The following ZNF674 variants were observed in gnomAD, a reference collection of about 807,000 sequenced individuals.
ZNF674 encodes zinc finger family member 674.
ZNF674 carries 2 observed loss-of-function variants against 7.0 expected under a neutral mutation model. The ratio of observed to expected loss-of-function variants is 0.29; its 90% confidence interval spans 0.12 to 0.90. The LOEUF is 0.90. Ranked by LOEUF, ZNF674 falls within the 40% of genes least tolerant of loss-of-function variation. The pLI is 0.57. For missense variants in ZNF674, 297 were observed against 415.5 expected, an observed-to-expected ratio of 0.71 and a Z score of 2.48; for synonymous variants, 103 against 145.2, an observed-to-expected ratio of 0.71 and a Z score of 2.09.
rs978872312 is a variant in ZNF674 at position 46,498,437 on chromosome X, C to T, written c.*1406G>A. On this transcript the variant is annotated 3_prime_UTR_variant, in exon 6 of 6. Coordinates refer to ENST00000683375, the MANE Select transcript of ZNF674 (RefSeq NM_001190417.2). ...ACTGAAGATATTGATGAATAATATACGTAAGGTCTCCTGTTTGAGATCTTT... is the reference window on the plus strand; with the variant it reads ...ACTGAAGATATTGATGAATAATATATGTAAGGTCTCCTGTTTGAGATCTTT... 9.0e-6 allele frequency: 1 copy of T among 111,130 alleles called. No homozygotes were observed. Among genetic ancestry groups the T allele is most frequent in the African/African-American group, 3.3e-5 (1 of 30,599 alleles). The allele number at this position is 111,130 out of a possible 1,213,427, so 9.2% of individuals were successfully genotyped here.
At chrX:46,523,862 G>A (rs999147486) in intron 5 of ZNF674, among the ~76,000 whole-genome samples, 3 of 110,673 alleles carry the variant, frequency 2.7e-5, no homozygotes, top group African/African-American at 9.8e-5. Flanking sequence ...GGCCAACATG[G>A]TGAAACCCTG....
chrX:46,510,478 C>A (rs905873263), intron 5 of ZNF674, among the ~76,000 whole-genome samples: 1 of 111,436 alleles, frequency 9.0e-6, no homozygotes, highest in African/African-American at 3.3e-5. Context: ...ATACAACACT[C>A]ATTAGTGATT....
Position 46,498,752 on chromosome X carries a change from C to T in ZNF674, c.*1091G>A, listed in dbSNP as rs759408276. 2 of 106,532 alleles carry T rather than the reference C, an allele frequency of 1.9e-5. No individual in the cohort carries two copies. The highest frequency in any genetic ancestry group is 1.0e-4 in the Admixed American group (1 of 9,820). The allele number at this position is 106,532 out of a possible 1,213,427, so 8.8% of individuals were successfully genotyped here. ...AAAAAAAAAAAAAAAAAGAATTAGC[C>T]GGGTGTGGTGGTGGGTGCCTGTAAT... On this transcript the variant is annotated 3_prime_UTR_variant, in exon 6 of 6. Coordinates refer to ENST00000683375, the MANE Select transcript of ZNF674 (RefSeq NM_001190417.2).
At chrX:46,509,790 T>C (rs1941615240) in intron 5 of ZNF674, among the ~76,000 whole-genome samples, 1 of 102,222 alleles carries the variant, frequency 9.8e-6, no homozygotes, top group Non-Finnish European at 2.0e-5. Flanking sequence ...CATTACTGGG[T>C]ATATACCCAA....
intron 5 of ZNF674, among the ~76,000 whole-genome samples, chrX:46,502,767 C>T (rs1479251149): frequency 2.7e-5 from 3 of 112,145 alleles, no homozygotes; most frequent in Non-Finnish European, 5.6e-5. Context: ...GTATTCATGA[C>T]AGGCAGACAG....
chrX:46,524,816 T>C (rs1367205192), intron 5 of ZNF674, among the ~76,000 whole-genome samples: 1 of 110,280 alleles, frequency 9.1e-6, no homozygotes, highest in Non-Finnish European at 1.9e-5. Context: ...TCAAGACCAG[T>C]CTGGGCAACA....
Position 46,499,763 on chromosome X carries a change from G to T in ZNF674, c.*80C>A. ...GGACATTTATAAGATTACTCGCCAT[G>T]ATTATTTGACAAATAATGAGACTAG... On this transcript the variant is annotated 3_prime_UTR_variant, in exon 6 of 6. Transcript: ENST00000683375. 1.3e-6 allele frequency: 1 copy of T among 753,822 alleles called. No homozygotes were observed. The highest frequency in any genetic ancestry group is 1.8e-6 in the Non-Finnish European group (1 of 549,372). The allele number at this position is 753,822 out of a possible 1,213,427, so 62.1% of individuals were successfully genotyped here.
intron 3 of ZNF674, among the ~76,000 whole-genome samples, chrX:46,540,199 T>G (rs1378979160): frequency 9.1e-6 from 1 of 109,572 alleles, no homozygotes; most frequent in African/African-American, 3.3e-5. Context: ...AGCCGAGATT[T>G]TGCCACTGCA....
At chrX:46,529,003 T>C in intron 3 of ZNF674, 94 bp from the exon 4 acceptor site, 4 of 1,196,241 alleles carry the variant, frequency 3.3e-6, no homozygotes, top group Non-Finnish European at 4.5e-6. Flanking sequence ...TCTGTGCCCT[T>C]TGAGGTCCTT....
intron 3 of ZNF674, 132 bp from the exon 4 acceptor site, chrX:46,529,041 C>T (rs1942061154): frequency 1.9e-5 from 21 of 1,107,042 alleles, no homozygotes; most frequent in Non-Finnish European, 2.5e-5. Context: ...TCAGTCTTCG[C>T]CGCCACCCTA....
At chrX:46,537,610 A>AT (rs1942223216) in intron 3 of ZNF674, among the ~76,000 whole-genome samples, 1 of 111,378 alleles carries the variant, frequency 9.0e-6, no homozygotes, top group Non-Finnish European at 1.9e-5. Context: ...TTTCTACCAC[A>AT]TTTTTTTGTT....
intron 5 of ZNF674, among the ~76,000 whole-genome samples, chrX:46,508,037 C>G (rs1303434883): frequency 2.0e-5 from 2 of 99,250 alleles, no homozygotes; most frequent in East Asian, 6.1e-4. Flanking sequence ...CAGGCATGAC[C>G]TACGTTAATA....
intron 5 of ZNF674, among the ~76,000 whole-genome samples, chrX:46,507,445 G>A (rs1052129819): frequency 8.0e-5 from 9 of 111,887 alleles, no homozygotes; most frequent in African/African-American, 2.9e-4. Flanking sequence ...GCTGTGTATA[G>A]TATTTATATA....
chrX:46,541,361 CAAAAAA>C (rs34440167), intron 3 of ZNF674, among the ~76,000 whole-genome samples: 1 of 54,698 alleles, frequency 1.8e-5, no homozygotes, highest in African/African-American at 7.1e-5. Context: ...AACTCCGTCA[CAAAAAA>C]AAAAAAAAAA....
intron 2 of ZNF674, among the ~76,000 whole-genome samples, chrX:46,544,014 A>C (rs1388327004): frequency 1.0e-3 from 115 of 113,013 alleles, no homozygotes; most frequent in Middle Eastern, 4.6e-3. Context: ...TGGCAAGAGA[A>C]GGAAGCATGG....
chrX:46,500,763 C>T lies in ZNF674; in HGVS notation c.811G>A (p.Gly271Arg). The T allele has an allele frequency of 8.3e-7, 1 of 1,201,061 alleles. No homozygotes were observed. Among genetic ancestry groups the T allele is most frequent in the Non-Finnish European group, 1.1e-6 (1 of 889,529 alleles). ...TCACTGCATTCATAGGGCTTCTCCC[C>T]TGTGTGAGTTCTCTGGTGTGCTATG... The part of the protein sequence containing the change: ...TLIAHQRTHT[G>R]EKPYECSECG... Residue 271 changes from glycine (G) to arginine (R), a missense_variant, in exon 6 of 6, where the codon GGG becomes AGG. Transcript: ENST00000683375.
intron 5 of ZNF674, among the ~76,000 whole-genome samples, chrX:46,512,443 G>GC (rs1465404547): frequency 1.8e-5 from 2 of 109,056 alleles, no homozygotes; most frequent in Non-Finnish European, 3.8e-5. Flanking sequence ...TATGTGCTCA[G>GC]CCCCCCAAAA....
At chrX:46,542,987 G>T (rs1312257956) in intron 2 of ZNF674, among the ~76,000 whole-genome samples, 1 of 109,473 alleles carries the variant, frequency 9.1e-6, no homozygotes, top group Non-Finnish European at 1.9e-5. Context: ...TTTTGCTCTT[G>T]TTGCCCAGGC....
At chrX:46,507,588 G>A (rs1422621454) in intron 5 of ZNF674, among the ~76,000 whole-genome samples, 1 of 111,363 alleles carries the variant, frequency 9.0e-6, no homozygotes, top group Non-Finnish European at 1.9e-5. Context: ...ATGGATTCTG[G>A]TATCCATGGA....
Sources: allele counts gnomAD v4.1 joint callset (sites outside exome capture counted in the v4.1 genomes callset), GRCh38; gene constraint gnomAD v4.1.1; transcripts MANE v1.5; gene names NCBI Gene and HGNC (gene_info 2026-07-23, HGNC 2026-07-21).